Variants in EPHA5 observed in about 807,000 individuals in gnomAD.
EPHA5 encodes the protein ephrin type-A receptor 5.
In EPHA5, 60 loss-of-function variants were observed where a neutral mutation model predicts 105.0. The observed-to-expected ratio is 0.57, with a 90% CI of 0.46 to 0.71. The LOEUF (loss-of-function observed/expected upper bound fraction) is 0.71. EPHA5 is among the 30% of genes least tolerant of loss of function. The probability of loss-of-function intolerance (pLI) is 0.00; values close to 1 mark genes in which losing one functional copy is unlikely to be tolerated. For missense variants in EPHA5, 1,218 were observed against 1,274.7 expected, an observed-to-expected ratio of 0.96 and a Z score of 0.68; for synonymous variants, 513 against 449.1, an observed-to-expected ratio of 1.14 and a Z score of -1.80.
chr4:65,468,594 A>T (rs1728963528), intron 5 of EPHA5, among the ~76,000 whole-genome samples: 1 of 10,558 alleles, frequency 9.5e-5, no homozygotes, highest in Non-Finnish European at 2.9e-4. Context: ...AATATATATA[A>T]TATATATATT....
At chr4:65,507,284 T>C (rs1733136415) in intron 3 of EPHA5, among the ~76,000 whole-genome samples, 1 of 152,172 alleles carries the variant, frequency 6.6e-6, no homozygotes, top group Non-Finnish European at 1.5e-5. Flanking sequence ...GTAGTATAGT[T>C]TGAAGTCAGG....
chr4:65,658,097 C>T (rs1396631196), intron 1 of EPHA5, among the ~76,000 whole-genome samples: 1 of 151,718 alleles, frequency 6.6e-6, no homozygotes, highest in Non-Finnish European at 1.5e-5. Context: ...AACACAATTC[C>T]ATCTCAGTAT....
intron 1 of EPHA5, among the ~76,000 whole-genome samples, chr4:65,653,312 C>T (rs2149532357): frequency 6.6e-6 from 1 of 152,064 alleles, no homozygotes; most frequent in African/African-American, 2.4e-5. Flanking sequence ...TTCATGTCAG[C>T]CTTGCAGTTT....
intron 3 of EPHA5, among the ~76,000 whole-genome samples, chr4:65,521,380 C>T (rs12374318): frequency 1.3e-5 from 2 of 151,574 alleles, no homozygotes; most frequent in South Asian, 4.2e-4. Flanking sequence ...GTCTTGAGGT[C>T]GGGGGAGTGG....
chr4:65,546,916 A>G (rs891006896), intron 3 of EPHA5, among the ~76,000 whole-genome samples: 1 of 152,062 alleles, frequency 6.6e-6, no homozygotes, highest in East Asian at 1.9e-4. Flanking sequence ...ACTTGAAAAG[A>G]CACATGTACG....
At chr4:65,393,691 T>C (rs944535410) in intron 8 of EPHA5, among the ~76,000 whole-genome samples, 2 of 152,216 alleles carry the variant, frequency 1.3e-5, no homozygotes, top group Admixed American at 6.6e-5. Flanking sequence ...TCAGTACCTG[T>C]TCTTTAGACT....
intron 6 of EPHA5, among the ~76,000 whole-genome samples, chr4:65,416,484 T>C (rs928889843): frequency 4.3e-5 from 6 of 138,890 alleles, no homozygotes; most frequent in East Asian, 2.1e-4. Context: ...AGTTCCCCCA[T>C]TGAAAAGTAA....
chr4:65,327,512 A>C (rs1332642499), intron 16 of EPHA5, among the ~76,000 whole-genome samples: 1 of 151,276 alleles, frequency 6.6e-6, no homozygotes, highest in Non-Finnish European at 1.5e-5. Flanking sequence ...TTCTCCCATG[A>C]AATTCTGTTG....
At chr4:65,476,327 T>C (rs1186606079) in intron 5 of EPHA5, among the ~76,000 whole-genome samples, 2 of 152,080 alleles carry the variant, frequency 1.3e-5, no homozygotes, top group African/African-American at 4.8e-5. Context: ...AAAATTTATC[T>C]CTAGAATGGG....
intron 8 of EPHA5, 68 bp from the exon 9 acceptor site, chr4:65,367,492 C>A (rs888511494): frequency 7.0e-7 from 1 of 1,426,952 alleles, no homozygotes; most frequent in Admixed American, 1.7e-5. Flanking sequence ...AGCCCAGAAG[C>A]ATGAAGCACA....
chr4:65,346,679 A>G (rs1053694325), intron 14 of EPHA5, among the ~76,000 whole-genome samples: 36 of 152,224 alleles, frequency 2.4e-4, no homozygotes, highest in African/African-American at 7.7e-4. Flanking sequence ...GACTACCATC[A>G]GAGTGAACAG....
chr4:65,577,618 A>G (rs1390591309), intron 3 of EPHA5, among the ~76,000 whole-genome samples: 1 of 152,158 alleles, frequency 6.6e-6, no homozygotes, highest in African/African-American at 2.4e-5. Context: ...TAAAATTTTA[A>G]GCAAATTTTG....
chr4:65,397,897 G>T, intron 8 of EPHA5, among the ~76,000 whole-genome samples: 1 of 152,266 alleles, frequency 6.6e-6, no homozygotes, highest in South Asian at 2.1e-4. Flanking sequence ...CCTCTTCAGA[G>T]GGGGGACTGA....
At chr4:65,455,066 T>G (rs1286179419) in intron 5 of EPHA5, among the ~76,000 whole-genome samples, 1 of 152,106 alleles carries the variant, frequency 6.6e-6, no homozygotes, top group Admixed American at 6.5e-5. Flanking sequence ...ACCCTGTCTC[T>G]ACTAAAAATA....
At chr4:65,425,830 C>T (rs1259835188) in intron 5 of EPHA5, among the ~76,000 whole-genome samples, 1 of 151,878 alleles carries the variant, frequency 6.6e-6, no homozygotes. Flanking sequence ...ATTTTCCTGA[C>T]CCTTTAGTAT....
chr4:65,458,981 G>A (rs1427947382), intron 5 of EPHA5, among the ~76,000 whole-genome samples: 3 of 151,936 alleles, frequency 2.0e-5, no homozygotes, highest in Admixed American at 6.6e-5. Flanking sequence ...CAGTGATGAT[G>A]CATGTGAATT....
chr4:65,437,503 A>C (rs1163834227), intron 5 of EPHA5, among the ~76,000 whole-genome samples: 1 of 152,100 alleles, frequency 6.6e-6, no homozygotes, highest in Non-Finnish European at 1.5e-5. Context: ...ATAATAATGT[A>C]CAATTGACCA....
Position 65,601,790 on chromosome 4 carries a change from T to A in EPHA5, c.761A>T (p.Gln254Leu). The A allele has an allele frequency of 6.2e-7, 1 of 1,614,124 alleles. No homozygotes were observed. Among genetic ancestry groups the A allele is most frequent in the African/African-American group, 1.3e-5 (1 of 75,022 alleles). The part of the protein sequence containing the change: ...PDTITGADSS[Q>L]LLEVSGSCVN... ...ACAGGAGCCTGACACTTCGAGCAAT[T>A]GGGAAGAATCAGCTCCAGTGATGGT... is the stretch of plus-strand genomic sequence containing the variant. Residue 254 changes from glutamine (Q) to leucine (L), a missense_variant, in exon 3 of 17, where the codon CAA becomes CTA. Physicochemically the swap from Gln to Leu is moderately radical, Grantham distance 113 (BLOSUM62 -2). Around this residue, in one of 3 missense-constraint regions of EPHA5, gnomAD observed 971 missense variants for 1,013.5 expected, o/e 0.96. Coordinates refer to ENST00000613740, the MANE Select transcript of EPHA5 (RefSeq NM_001281766.3).
intron 3 of EPHA5, among the ~76,000 whole-genome samples, chr4:65,597,380 C>CAATT (rs1257120114): frequency 6.6e-6 from 1 of 151,882 alleles, no homozygotes; most frequent in Non-Finnish European, 1.5e-5. Context: ...CATGTGAACT[C>CAATT]AATTACTTCT....
Sources: gnomAD v4.1 joint callset for allele counts (sites outside exome capture counted in the v4.1 genomes callset) on GRCh38, gnomAD v4.1.1 for gene constraint, gnomAD v4.1.1 regional missense constraint, MANE v1.5 for transcripts, NCBI Gene and HGNC (gene_info 2026-07-23, HGNC 2026-07-21) for gene names.